CHODL: variants seen among roughly 807,000 people sequenced by gnomAD.
CHODL encodes the protein chondrolectin.
CHODL carries 29 observed loss-of-function variants against 34.5 expected under a neutral mutation model. The observed-to-expected ratio is 0.84, with a 90% CI of 0.63 to 1.15. The LOEUF is 1.15. CHODL is among the 50% of genes most tolerant of loss of function. The probability of loss-of-function intolerance (pLI) is 0.00; values close to 1 mark genes in which losing one functional copy is unlikely to be tolerated. For synonymous variants in CHODL, 125 were observed against 116.1 expected (o/e 1.08, Z -0.49); for missense variants, 332 against 332.5 (o/e 1.00, Z 0.01).
intron 2 of CHODL, among the ~76,000 whole-genome samples, chr21:18,042,969 A>C (rs1015922118): frequency 6.6e-6 from 1 of 151,996 alleles, no homozygotes; most frequent in African/African-American, 2.4e-5. Flanking sequence ...ATTGAACTAC[A>C]GTGAGAAATT....
chr21:18,188,220 A>T (rs766906507), intron 2 of CHODL, among the ~76,000 whole-genome samples: 5 of 151,748 alleles, frequency 3.3e-5, no homozygotes, highest in Non-Finnish European at 7.4e-5. Context: ...CCCTCATTTC[A>T]TCCCAAAAGT....
At chr21:18,205,475 C>G (rs963579154) in intron 2 of CHODL, among the ~76,000 whole-genome samples, 2 of 151,846 alleles carry the variant, frequency 1.3e-5, no homozygotes, top group Non-Finnish European at 2.9e-5. Flanking sequence ...TCTGCCTGAT[C>G]TTTATTATTT....
Position 18,254,145 on chromosome 21 carries a change from T to G in CHODL, c.80-2364T>G, listed in dbSNP as rs568499073. Among the ~76,000 whole-genome samples the G allele has an allele frequency of 3.3e-5, 5 of 151,838 alleles. 1 individual carries two copies. The South Asian group carries it at 8.3e-4, about 25-fold the overall frequency. ...ACAAAGTTTGAATGCTTTTTTTTTT[T>G]GCCAGTATTTAAATACAAGAATCTC... On this transcript the variant is annotated intron_variant, in intron 1 of 5. Coordinates refer to ENST00000299295, the MANE Select transcript of CHODL (RefSeq NM_024944.3).
At chr21:18,137,408 A>G (rs2072746918) in intron 2 of CHODL, among the ~76,000 whole-genome samples, 1 of 152,228 alleles carries the variant, frequency 6.6e-6, no homozygotes. Flanking sequence ...CAACACAGTC[A>G]ACAACTTCAA....
At chr21:18,056,342 AAAAT>A (rs1376575364) in intron 2 of CHODL, among the ~76,000 whole-genome samples, 1 of 151,440 alleles carries the variant, frequency 6.6e-6, no homozygotes, top group Non-Finnish European at 1.5e-5. Context: ...TTTTTATCTT[AAAAT>A]AAATTTTTAT....
At chr21:18,129,056 A>T (rs1056569957) in intron 2 of CHODL, among the ~76,000 whole-genome samples, 4 of 152,006 alleles carry the variant, frequency 2.6e-5, no homozygotes, top group Admixed American at 6.6e-5. Context: ...AATATATTTA[A>T]TTTTTTAAAA....
intron 2 of CHODL, among the ~76,000 whole-genome samples, chr21:18,222,254 C>T (rs557297067): frequency 3.0e-4 from 46 of 152,180 alleles, no homozygotes; most frequent in South Asian, 6.2e-4. Context: ...TAGGGTACTG[C>T]GTGGGCTCAG....
At chr21:18,104,401 C>G (rs995836974) in intron 2 of CHODL, among the ~76,000 whole-genome samples, 2 of 152,078 alleles carry the variant, frequency 1.3e-5, no homozygotes, top group Admixed American at 1.3e-4. Flanking sequence ...CCTTGCTTCC[C>G]CTTCGCCTTC....
intron 2 of CHODL, among the ~76,000 whole-genome samples, chr21:18,189,167 T>C (rs1225368391): frequency 6.6e-6 from 1 of 152,202 alleles, no homozygotes; most frequent in Non-Finnish European, 1.5e-5. Context: ...GTGACTCCAT[T>C]TTGAGTTGCA....
intron 1 of CHODL, among the ~76,000 whole-genome samples, chr21:17,931,924 T>C (rs111550565): frequency 2.6e-5 from 4 of 152,118 alleles, no homozygotes; most frequent in South Asian, 2.1e-4. Context: ...AACTCAAAAG[T>C]AAATGCAACA....
intron 2 of CHODL, among the ~76,000 whole-genome samples, chr21:18,030,702 T>C (rs59447622): frequency 0.013 from 2,006 of 152,222 alleles, 44 homozygotes; most frequent in African/African-American, 0.045. Flanking sequence ...ACAGTGGAAA[T>C]CTCTTTAGGA....
At position 18,265,934 on chromosome 21, in the gene CHODL, T is replaced by C; in HGVS notation, c.738-20T>C. ...AATAAGAAATTTTAGGCACTAAACA[T>C]TTTTTCTTATGTTTTTCAGTAAAGG... On this transcript the variant is annotated intron_variant, in intron 5 of 5. Coordinates refer to ENST00000299295, the MANE Select transcript of CHODL (RefSeq NM_024944.3). The C allele has an allele frequency of 6.2e-7, 1 of 1,602,232 alleles. No homozygotes were observed. Among genetic ancestry groups the C allele is most frequent in the South Asian group, 1.1e-5 (1 of 89,030 alleles).
chr21:18,074,757 T>C (rs2064845181), intron 2 of CHODL, among the ~76,000 whole-genome samples: 1 of 152,140 alleles, frequency 6.6e-6, no homozygotes, highest in Non-Finnish European at 1.5e-5. Context: ...AAGACTAGAA[T>C]ATGGAAGTCT....
intron 2 of CHODL, among the ~76,000 whole-genome samples, chr21:18,064,554 A>G (rs1750878908): frequency 6.6e-6 from 1 of 152,148 alleles, no homozygotes; most frequent in African/African-American, 2.4e-5. Flanking sequence ...TTTGTACTTG[A>G]ACTGAAATAT....
At chr21:18,265,853 T>A in intron 5 of CHODL, 101 bp from the exon 6 acceptor site, 2 of 840,830 alleles carry the variant, frequency 2.4e-6, no homozygotes, top group South Asian at 1.9e-5. Context: ...AGAGGGGGAG[T>A]CTTTCATAAA....
At chr21:18,164,734 A>G (rs922782103) in intron 2 of CHODL, among the ~76,000 whole-genome samples, 7 of 151,182 alleles carry the variant, frequency 4.6e-5, no homozygotes, top group Admixed American at 2.0e-4. Flanking sequence ...CACTTATTTG[A>G]CATCTCTACT....
chr21:18,006,567 C>T (rs1199629241), intron 1 of CHODL, among the ~76,000 whole-genome samples: 2 of 152,162 alleles, frequency 1.3e-5, no homozygotes, highest in African/African-American at 4.8e-5. Flanking sequence ...AGATTCCTTA[C>T]AGGGACTTAG....
At chr21:18,146,439 TCCC>T (rs925920025) in intron 2 of CHODL, among the ~76,000 whole-genome samples, 1 of 152,016 alleles carries the variant, frequency 6.6e-6, no homozygotes, top group Non-Finnish European at 1.5e-5. Context: ...TGGAGGTGGT[TCCC>T]CCATGCTGTT....
intron 5 of CHODL, among the ~76,000 whole-genome samples, 176 bp from the exon 6 acceptor site, chr21:18,265,778 G>C (rs1287566843): frequency 1.3e-5 from 2 of 152,168 alleles, no homozygotes; most frequent in Non-Finnish European, 2.9e-5. Flanking sequence ...CACAAGAACT[G>C]TTTGCCATCT....
Sources: allele counts gnomAD v4.1 joint callset (sites outside exome capture counted in the v4.1 genomes callset), GRCh38; gene constraint gnomAD v4.1.1; transcripts MANE v1.5; gene names NCBI Gene and HGNC (gene_info 2026-07-23, HGNC 2026-07-21).